Variants in CNTNAP4 observed in about 807,000 individuals in gnomAD.
The protein encoded by CNTNAP4 is contactin-associated protein-like 4.
Under a neutral mutation model 148.4 loss-of-function variants are expected in CNTNAP4, and 98 were observed. The observed-to-expected ratio is 0.66, with a 90% CI of 0.56 to 0.78. The LOEUF (loss-of-function observed/expected upper bound fraction) is 0.78, where lower values mean the gene tolerates loss of function less well. Ranked by LOEUF, CNTNAP4 falls within the 30% of genes least tolerant of loss-of-function variation. The pLI is 0.00. For synonymous variants in CNTNAP4, 730 were observed against 565.1 expected (o/e 1.29, Z -4.14); for missense variants, 1,935 against 1,565.6 (o/e 1.24, Z -3.98).
At chr16:76,323,342 A>T (rs1005455699) in intron 2 of CNTNAP4, among the ~76,000 whole-genome samples, 3 of 151,686 alleles carry the variant, frequency 2.0e-5, no homozygotes, top group African/African-American at 7.3e-5. Flanking sequence ...TGTGAAGTTT[A>T]AAAAAAACTT....
At chr16:76,486,998 T>C (rs1162590722) in intron 12 of CNTNAP4, among the ~76,000 whole-genome samples, 7 of 152,076 alleles carry the variant, frequency 4.6e-5, no homozygotes, top group Admixed American at 4.6e-4. Context: ...ATTAGACAGG[T>C]AGGTAGGTAG....
At position 76,355,348 on chromosome 16, in the gene CNTNAP4, A is replaced by C; in HGVS notation, c.227A>C (p.Asn76Thr). The C allele has an allele frequency of 6.3e-7, 1 of 1,594,716 alleles. No homozygotes were observed. Among genetic ancestry groups the C allele is most frequent in the Non-Finnish European group, 8.5e-7 (1 of 1,170,788 alleles). ...GGTGGCTGGTCTCCACTTGTGTCTAACAAATACCAGTGGTTGCAGATTGAC... is the reference window on the plus strand; with the variant it reads ...GGTGGCTGGTCTCCACTTGTGTCTACCAAATACCAGTGGTTGCAGATTGAC... ...GAGGWSPLVSNKYQWLQIDLG... is the reference protein window; with the variant it reads ...GAGGWSPLVSTKYQWLQIDLG... Residue 76 changes from asparagine (N) to threonine (T), a missense_variant, in exon 3 of 24, where the codon AAC (asparagine) becomes ACC (threonine). Asn to Thr is a moderately conservative substitution (Grantham distance 65). Transcript: ENST00000611870.
At chr16:76,492,900 C>T (rs2082273537) in intron 13 of CNTNAP4, among the ~76,000 whole-genome samples, 1 of 151,370 alleles carries the variant, frequency 6.6e-6, no homozygotes, top group Admixed American at 6.6e-5. Flanking sequence ...CAGGGATTGA[C>T]ACAGAATGTG....
intron 3 of CNTNAP4, among the ~76,000 whole-genome samples, chr16:76,369,173 A>G (rs954829724): frequency 6.6e-6 from 1 of 152,308 alleles, no homozygotes. Context: ...GATTGGAATG[A>G]AAACATTTGA....
intron 21 of CNTNAP4, among the ~76,000 whole-genome samples, chr16:76,549,321 C>G (rs1387267713): frequency 6.6e-6 from 1 of 152,280 alleles, no homozygotes; most frequent in Non-Finnish European, 1.5e-5. Context: ...CATGCCCTCT[C>G]TGTCCCAAAG....
chr16:76,502,528 G>GA (rs1274097862), intron 15 of CNTNAP4, among the ~76,000 whole-genome samples: 1 of 152,114 alleles, frequency 6.6e-6, no homozygotes, highest in East Asian at 1.9e-4. Context: ...TTAAGACTGA[G>GA]AAATAACTTA....
At chr16:76,543,072 T>C (rs1484720884) in intron 21 of CNTNAP4, among the ~76,000 whole-genome samples, 4 of 152,172 alleles carry the variant, frequency 2.6e-5, no homozygotes, top group Admixed American at 2.6e-4. Context: ...GACGTTAAGG[T>C]TTTTACTCAA....
At chr16:76,352,158 A>G (rs1286305152) in intron 2 of CNTNAP4, among the ~76,000 whole-genome samples, 1 of 152,192 alleles carries the variant, frequency 6.6e-6, no homozygotes, top group African/African-American at 2.4e-5. Context: ...AAAAATGACA[A>G]AAATACAGAG....
At chr16:76,360,626 G>A (rs2013294478) in intron 3 of CNTNAP4, among the ~76,000 whole-genome samples, 1 of 152,188 alleles carries the variant, frequency 6.6e-6, no homozygotes, top group African/African-American at 2.4e-5. Flanking sequence ...TTAGTACTTG[G>A]CAAATGCCTA....
intron 22 of CNTNAP4, 45 bp downstream of exon 22, chr16:76,553,546 C>G (rs1337066474): frequency 3.6e-6 from 5 of 1,388,866 alleles, no homozygotes; most frequent in Non-Finnish European, 3.0e-6. Flanking sequence ...CGTAGCTTGT[C>G]CATGGAATTT....
At chr16:76,521,576 T>A (rs1421730624) in intron 16 of CNTNAP4, among the ~76,000 whole-genome samples, 1 of 152,188 alleles carries the variant, frequency 6.6e-6, no homozygotes, top group African/African-American at 2.4e-5. Context: ...AAAACACAAT[T>A]TTTTAGTTAA....
At chr16:76,312,187 A>G (rs1961198268) in intron 1 of CNTNAP4, among the ~76,000 whole-genome samples, 2 of 152,158 alleles carry the variant, frequency 1.3e-5, no homozygotes, top group African/African-American at 4.8e-5. Flanking sequence ...GTGGAAGGCT[A>G]CCCTGTGTTT....
intron 12 of CNTNAP4, 69 bp from the exon 13 acceptor site, chr16:76,489,617 T>C (rs2082138701): frequency 1.2e-6 from 1 of 844,064 alleles, no homozygotes; most frequent in South Asian, 3.7e-5. Context: ...TTTGATTTTC[T>C]TTATTTATTT....
At chr16:76,514,859 A>G (rs368141230) in intron 15 of CNTNAP4, among the ~76,000 whole-genome samples, 2 of 152,198 alleles carry the variant, frequency 1.3e-5, no homozygotes, top group African/African-American at 2.4e-5. Flanking sequence ...GTTAAAATCT[A>G]TATTTTTCAG....
At chr16:76,418,141 C>T (rs983230929) in intron 3 of CNTNAP4, among the ~76,000 whole-genome samples, 5 of 151,544 alleles carry the variant, frequency 3.3e-5, no homozygotes, top group Non-Finnish European at 5.9e-5. Flanking sequence ...ATCTACAGTT[C>T]AGTGTCTGTC....
intron 1 of CNTNAP4, among the ~76,000 whole-genome samples, chr16:76,284,671 A>T (rs1289675297): frequency 6.6e-6 from 1 of 152,042 alleles, no homozygotes; most frequent in Non-Finnish European, 1.5e-5. Flanking sequence ...TTTTTGGGGA[A>T]AATTTTGATG....
intron 19 of CNTNAP4, among the ~76,000 whole-genome samples, chr16:76,538,993 C>G (rs1464206866): frequency 6.6e-6 from 1 of 151,996 alleles, no homozygotes; most frequent in African/African-American, 2.4e-5. Flanking sequence ...TATATCATTT[C>G]AACTGATTCA....
intron 2 of CNTNAP4, among the ~76,000 whole-genome samples, chr16:76,345,899 G>A (rs1332082613): frequency 6.6e-6 from 1 of 152,148 alleles, no homozygotes; most frequent in Non-Finnish European, 1.5e-5. Context: ...CAATGTTAAA[G>A]CTGTCTTCAT....
intron 14 of CNTNAP4, among the ~76,000 whole-genome samples, chr16:76,496,785 T>C (rs1291320143): frequency 2.6e-5 from 4 of 152,126 alleles, no homozygotes; most frequent in Admixed American, 1.3e-4. Context: ...ATTTACTGAA[T>C]ATTCAAAAAA....
Sources: gnomAD v4.1 joint callset for allele counts (sites outside exome capture counted in the v4.1 genomes callset) on GRCh38, gnomAD v4.1.1 for gene constraint, MANE v1.5 for transcripts, NCBI Gene and HGNC (gene_info 2026-07-23, HGNC 2026-07-21) for gene names.